Variants in TMCO4 observed in about 807,000 individuals in gnomAD.
The protein encoded by TMCO4 is transmembrane and coiled-coil domain-containing protein 4.
TMCO4 carries 58 observed loss-of-function variants against 64.7 expected under a neutral mutation model. The observed-to-expected ratio is 0.90, with a 90% CI of 0.73 to 1.12. TMCO4 has a LOEUF of 1.12. Among genes scored for constraint, TMCO4 ranks in the 50% most tolerant of loss-of-function variants. TMCO4 has a pLI of 0.00. For synonymous variants in TMCO4, 325 were observed against 346.1 expected, an observed-to-expected ratio of 0.94 and a Z score of 0.68; for missense variants, 780 against 825.9, an observed-to-expected ratio of 0.94 and a Z score of 0.68.
chr1:19,690,961 T>C (rs1030827346), intron 15 of TMCO4, among the ~76,000 whole-genome samples: 8 of 146,874 alleles, frequency 5.4e-5, no homozygotes, highest in Admixed American at 2.1e-4. Context: ...CTCCACCTCC[T>C]GGGGTCATGC....
chr1:19,699,486 CATAT>C (rs10587817), intron 14 of TMCO4, among the ~76,000 whole-genome samples: 9,782 of 136,334 alleles, frequency 0.072, 953 homozygotes, highest in African/African-American at 0.23. Context: ...TTTTCATATA[CATAT>C]ATATATATAT....
In TMCO4 at chr1:19,791,444, T is replaced by C. The variant is rs150653341; in HGVS notation, c.-100-4327A>G. Among the ~76,000 whole-genome samples, 1,104 of 152,268 alleles carry C rather than the reference T, an allele frequency of 7.3e-3. 6 individuals carry two copies. The highest frequency in any genetic ancestry group is 0.01 in the Non-Finnish European group (696 of 68,014). ...ATGGGGGAGCCCATGGTTCCAACTC[T>C]ATGGATTGTCTAACTGGACAGGCTG... On this transcript the variant is annotated intron_variant, in intron 2 of 15. Transcript: ENST00000294543.
chr1:19,795,334 T>C (rs2044254004), intron 2 of TMCO4, among the ~76,000 whole-genome samples: 1 of 151,990 alleles, frequency 6.6e-6, no homozygotes, highest in Non-Finnish European at 1.5e-5. Context: ...TAGCTGGGCG[T>C]GGTGGCGAGC....
At chr1:19,715,411 T>G (rs1037842008) in intron 13 of TMCO4, among the ~76,000 whole-genome samples, 1 of 152,172 alleles carries the variant, frequency 6.6e-6, no homozygotes, top group Non-Finnish European at 1.5e-5. Context: ...TCATGGCTAA[T>G]TAAAAACAAT....
At chr1:19,690,866 CTTTTTTTTTTTT>C (rs34764589) in intron 15 of TMCO4, among the ~76,000 whole-genome samples, 1 of 111,286 alleles carries the variant, frequency 9.0e-6, no homozygotes. Context: ...TGTGAAGACT[CTTTTTTTTTTTT>C]TTTTTTTTGA....
At chr1:19,770,489 C>A (rs999815529) in intron 6 of TMCO4, 53 bp downstream of exon 6, 1 of 1,609,472 alleles carries the variant, frequency 6.2e-7, no homozygotes. Flanking sequence ...GCTTTGCTAG[C>A]CAAGGGTGCA....
intron 15 of TMCO4, 123 bp from the exon 16 acceptor site, chr1:19,683,567 A>C: frequency 9.4e-7 from 1 of 1,069,088 alleles, no homozygotes; most frequent in South Asian, 1.6e-5. Flanking sequence ...GAATCACCAA[A>C]CCCATGACTC....
At chr1:19,683,758 CTTTTTTTTTTTT>C (rs531431284) in intron 15 of TMCO4, among the ~76,000 whole-genome samples, 19 of 79,064 alleles carry the variant, frequency 2.4e-4, no homozygotes, top group Admixed American at 4.9e-4. Flanking sequence ...TTGTCTGAAG[CTTTTTTTTTTTT>C]TTTTTTTTTT....
intron 15 of TMCO4, among the ~76,000 whole-genome samples, chr1:19,687,848 C>T (rs1415547883): frequency 2.6e-5 from 4 of 152,208 alleles, no homozygotes; most frequent in African/African-American, 7.2e-5. Context: ...ACAGCTCTGG[C>T]CCTCCTCGAC....
chr1:19,739,708 A>C (rs1301257484), intron 12 of TMCO4, 116 bp downstream of exon 12: 5 of 1,474,124 alleles, frequency 3.4e-6, no homozygotes, highest in Non-Finnish European at 4.5e-6. Flanking sequence ...CCACACCCCC[A>C]AAACCATTGA....
intron 15 of TMCO4, among the ~76,000 whole-genome samples, chr1:19,692,575 CAAAAAA>C: frequency 1.6e-5 from 1 of 63,960 alleles, no homozygotes. Context: ...ATTAAAAATA[CAAAAAA>C]AAAAAAAAAA....
At chr1:19,749,732 C>T (rs1474391413) in intron 7 of TMCO4, among the ~76,000 whole-genome samples, 1 of 152,152 alleles carries the variant, frequency 6.6e-6, no homozygotes, top group Non-Finnish European at 1.5e-5. Flanking sequence ...TGCCCCAAAA[C>T]CAGCGATAAT....
chr1:19,683,653 A>G lies in TMCO4; in HGVS notation c.1501-209T>C, dbSNP rs531379147. Among the ~76,000 whole-genome samples the G allele has an allele frequency of 3.4e-4, 52 of 152,252 alleles. 1 individual carries two copies. The highest frequency in any genetic ancestry group is 1.2e-3 in the African/African-American group (50 of 41,534). On this transcript the variant is annotated intron_variant, in intron 15 of 15. Transcript: ENST00000294543. The stretch of plus-strand genomic sequence containing the variant: ...AAAGCTGTTCTAGAATTTATTAAAT[A>G]AAGATGAAGGATGTTTCTCTAAAAA...
chr1:19,764,833 A>C (rs1489828461), intron 6 of TMCO4, among the ~76,000 whole-genome samples: 1 of 136,376 alleles, frequency 7.3e-6, no homozygotes, highest in African/African-American at 2.8e-5. Context: ...CAAGAGTGAA[A>C]CTCTGTCTCA....
intron 13 of TMCO4, among the ~76,000 whole-genome samples, chr1:19,728,057 G>A (rs1430931439): frequency 6.6e-6 from 1 of 152,190 alleles, no homozygotes; most frequent in African/African-American, 2.4e-5. Context: ...CTTACTCGAA[G>A]GTGGAGGATG....
At chr1:19,787,537 G>A (rs1011041186) in intron 2 of TMCO4, among the ~76,000 whole-genome samples, 2 of 152,198 alleles carry the variant, frequency 1.3e-5, no homozygotes, top group African/African-American at 4.8e-5. Flanking sequence ...CTAGCTTTCA[G>A]GCTTAAGCAA....
At chr1:19,690,637 A>AATTCCTGT (rs2095185700) in intron 15 of TMCO4, among the ~76,000 whole-genome samples, 3 of 152,024 alleles carry the variant, frequency 2.0e-5, no homozygotes, top group Admixed American at 6.6e-5. Flanking sequence ...GCTGAGAGAA[A>AATTCCTGT]ATTCCTGTCA....
intron 6 of TMCO4, among the ~76,000 whole-genome samples, chr1:19,760,438 G>T (rs758401114): frequency 1.3e-5 from 2 of 151,900 alleles, no homozygotes; most frequent in Non-Finnish European, 2.9e-5. Context: ...TTTTCTTTTT[G>T]AGACAGGGTC....
At chr1:19,747,833 A>C (rs2041858045) in intron 7 of TMCO4, among the ~76,000 whole-genome samples, 1 of 152,190 alleles carries the variant, frequency 6.6e-6, no homozygotes. Context: ...TGCCCTGAGA[A>C]CTGCTGTTGT....
Sources: gnomAD v4.1 joint callset for allele counts (sites outside exome capture counted in the v4.1 genomes callset) on GRCh38, gnomAD v4.1.1 for gene constraint, MANE v1.5 for transcripts, NCBI Gene and HGNC (gene_info 2026-07-23, HGNC 2026-07-21) for gene names.